The following GAB1 variants were observed in gnomAD, a reference collection of about 807,000 sequenced individuals.
The protein encoded by GAB1 is GRB2-associated-binding protein 1.
Under a neutral mutation model 66.5 loss-of-function variants are expected in GAB1, and 19 were observed. That is an observed-to-expected ratio of 0.29 (90% CI 0.20 to 0.42). The LOEUF (loss-of-function observed/expected upper bound fraction) is 0.42. Among genes scored for constraint, GAB1 ranks in the 10% least tolerant of loss-of-function variants. GAB1 has a pLI of 1.00. For missense variants in GAB1, 732 were observed against 858.5 expected (o/e 0.85, Z 1.84); for synonymous variants, 294 against 301.4 (o/e 0.98, Z 0.25).
At chr4:143,357,708 C>A (rs28989210) in intron 1 of GAB1, among the ~76,000 whole-genome samples, 1 of 152,064 alleles carries the variant, frequency 6.6e-6, no homozygotes, top group Non-Finnish European at 1.5e-5. Context: ...CTTGTACTTA[C>A]CCTTTGGAAT....
chr4:143,423,237 G>A (rs915776292), intron 2 of GAB1, among the ~76,000 whole-genome samples: 4 of 152,194 alleles, frequency 2.6e-5, no homozygotes, highest in African/African-American at 9.6e-5. Context: ...ATAGTGCATT[G>A]TCTGAGCCAA....
intron 1 of GAB1, among the ~76,000 whole-genome samples, chr4:143,361,651 C>G (rs1000606817): frequency 6.6e-6 from 1 of 152,162 alleles, no homozygotes; most frequent in South Asian, 2.1e-4. Context: ...GGCACATGAT[C>G]ATAGGCCCTG....
intron 1 of GAB1, among the ~76,000 whole-genome samples, chr4:143,373,335 GAAT>G (rs1730230006): frequency 6.6e-6 from 1 of 152,130 alleles, no homozygotes; most frequent in South Asian, 2.1e-4. Context: ...AATTAAAAAA[GAAT>G]AATAGCACCA....
rs894772071 is a variant in GAB1, at chr4:143,352,347, G to A, written c.72+15087G>A. 2.0e-5 allele frequency among the ~76,000 whole-genome samples: 3 copies of A among 152,184 alleles called. No homozygotes were observed. In the East Asian group the frequency reaches 5.8e-4, roughly 29 times the overall value. On this transcript the variant is annotated intron_variant, in intron 1 of 9. Coordinates refer to ENST00000262994, the MANE Select transcript of GAB1 (RefSeq NM_002039.4). Reference sequence around the variant, plus strand: ...CTGACAAGTCTGCATTTATGCTGATGTCTCATATTCAGCCCACTCTCCAAG... The same window carrying A: ...CTGACAAGTCTGCATTTATGCTGATATCTCATATTCAGCCCACTCTCCAAG...
intron 1 of GAB1, among the ~76,000 whole-genome samples, chr4:143,387,741 A>T (rs1349552323): frequency 6.6e-6 from 1 of 152,060 alleles, no homozygotes; most frequent in Non-Finnish European, 1.5e-5. Context: ...TGTGGCTCTT[A>T]TATTAGTCCC....
chr4:143,349,820 G>A, intron 1 of GAB1: 1 of 1,585,462 alleles, frequency 6.3e-7, no homozygotes, highest in Non-Finnish European at 8.5e-7. Flanking sequence ...GTCTGCTTCT[G>A]CACTGGCATA....
intron 1 of GAB1, among the ~76,000 whole-genome samples, chr4:143,373,751 C>T: frequency 6.7e-6 from 1 of 148,950 alleles, no homozygotes; most frequent in Admixed American, 6.7e-5. Flanking sequence ...ATTGCTTGTG[C>T]CAGGAAGGCA....
chr4:143,446,271 T>C (rs1560776466), intron 6 of GAB1, among the ~76,000 whole-genome samples: 1 of 152,220 alleles, frequency 6.6e-6, no homozygotes, highest in Non-Finnish European at 1.5e-5. Context: ...CATGTGTCTT[T>C]ATAGCAGCAT....
intron 1 of GAB1, among the ~76,000 whole-genome samples, chr4:143,378,685 C>T (rs1194047304): frequency 7.0e-6 from 1 of 143,870 alleles, no homozygotes; most frequent in Non-Finnish European, 1.5e-5. Context: ...TTTTTCTAGT[C>T]TCTAAACCTC....
chr4:143,385,795 T>G (rs953500271), intron 1 of GAB1, among the ~76,000 whole-genome samples: 2 of 152,134 alleles, frequency 1.3e-5, no homozygotes, highest in Non-Finnish European at 2.9e-5. Context: ...GTGGTCTGAG[T>G]GCCAAGTCAG....
Position 143,433,597 on chromosome 4 carries a change from A to C in GAB1, c.474A>C (p.Leu158=). 6.2e-7 allele frequency: 1 copy of C among 1,613,792 alleles called. No homozygotes were observed. The highest frequency in any genetic ancestry group is 2.2e-5 in the East Asian group (1 of 44,872). The part of the protein sequence containing the change: ...STQADSSSAT[L]PPPYQLINVP... ...AGGCAGATTCATCCTCTGCTACTCT[A>C]CCTCCTCCATATCAGCTAATCAATG... Residue 158 remains leucine, a synonymous_variant, in exon 3 of 10, where the codon CTA becomes CTC. Coordinates refer to ENST00000262994, the MANE Select transcript of GAB1 (RefSeq NM_002039.4).
At chr4:143,396,666 C>A (rs1004483822) in intron 1 of GAB1, among the ~76,000 whole-genome samples, 1 of 152,084 alleles carries the variant, frequency 6.6e-6, no homozygotes, top group Non-Finnish European at 1.5e-5. Context: ...CTTTCAGTGT[C>A]CTGATAAGAG....
intron 2 of GAB1, chr4:143,417,400 A>T (rs776068555): frequency 1.4e-5 from 6 of 415,766 alleles, no homozygotes; most frequent in South Asian, 7.1e-5. Flanking sequence ...GTACTTTTTT[A>T]TTATTATTAT....
chr4:143,397,981 C>T (rs995893117), intron 1 of GAB1, among the ~76,000 whole-genome samples: 1 of 152,212 alleles, frequency 6.6e-6, no homozygotes, highest in Non-Finnish European at 1.5e-5. Context: ...GATGTAGGCT[C>T]ATTCCTCATG....
Position 143,469,362 on chromosome 4 carries a change from A to T in GAB1, c.*173A>T, listed in dbSNP as rs1272325541. 5.0e-6 allele frequency: 3 copies of T among 605,032 alleles called. No homozygotes were observed. Among genetic ancestry groups the T allele is most frequent in the Non-Finnish European group, 8.6e-6 (3 of 348,100 alleles). 37.5% of individuals were successfully genotyped at this position (605,032 alleles called of 1,614,324 possible). On this transcript the variant is annotated 3_prime_UTR_variant, in exon 10 of 10. Transcript: ENST00000262994. ...TTAGACTTAAGTGGTGCTTTGTGGT[A>T]TCTGAACAATTCATAACATGTAAAT...
At chr4:143,378,099 A>G (rs1730492071) in intron 1 of GAB1, among the ~76,000 whole-genome samples, 1 of 152,266 alleles carries the variant, frequency 6.6e-6, no homozygotes, top group Non-Finnish European at 1.5e-5. Context: ...ACTGTTTAAT[A>G]ATACTCAACC....
chr4:143,405,044 ATATT>A (rs141338643), intron 1 of GAB1, among the ~76,000 whole-genome samples: 1,710 of 152,264 alleles, frequency 0.011, 18 homozygotes, highest in Middle Eastern at 0.027. Context: ...TGCATAAACA[ATATT>A]TATTTTTTCA....
At chr4:143,373,939 G>A (rs564857046) in intron 1 of GAB1, among the ~76,000 whole-genome samples, 1 of 146,196 alleles carries the variant, frequency 6.8e-6, no homozygotes, top group East Asian at 2.0e-4. Context: ...TTCAGTCTCA[G>A]TTATGTGTCC....
At chr4:143,447,801 C>G (rs1734648503) in intron 6 of GAB1, among the ~76,000 whole-genome samples, 1 of 152,026 alleles carries the variant, frequency 6.6e-6, no homozygotes, top group Non-Finnish European at 1.5e-5. Flanking sequence ...CCTAATTGCC[C>G]TGGCCAGAAC....
Sources: gnomAD v4.1 joint callset for allele counts (sites outside exome capture counted in the v4.1 genomes callset) on GRCh38, gnomAD v4.1.1 for gene constraint, MANE v1.5 for transcripts, NCBI Gene and HGNC (gene_info 2026-07-23, HGNC 2026-07-21) for gene names.